Variants in SCRN3 observed in about 807,000 individuals in gnomAD.
SCRN3 encodes secernin-3.
A neutral mutation model predicts 43.1 loss-of-function variants in SCRN3; 39 were observed. That is an observed-to-expected ratio of 0.91 (90% CI 0.70 to 1.18). The LOEUF (loss-of-function observed/expected upper bound fraction) is 1.18, where lower values mean the gene tolerates loss of function less well. SCRN3 is among the 50% of genes most tolerant of loss of function. The probability of loss-of-function intolerance (pLI) is 0.00; values close to 1 mark genes in which losing one functional copy is unlikely to be tolerated. For missense variants in SCRN3, 484 were observed against 498.0 expected, an observed-to-expected ratio of 0.97 and a Z score of 0.27; for synonymous variants, 147 against 163.1, an observed-to-expected ratio of 0.90 and a Z score of 0.75.
intron 5 of SCRN3, among the ~76,000 whole-genome samples, chr2:174,410,878 A>G (rs1685893018): frequency 6.6e-6 from 1 of 152,216 alleles, no homozygotes; most frequent in Non-Finnish European, 1.5e-5. Context: ...ACCAGGTACC[A>G]AAAATGAAGA....
At chr2:174,430,061 G>A (rs1013677677), downstream of SCRN3, among the ~76,000 whole-genome samples, 15 of 152,132 alleles carry the variant, frequency 9.9e-5, no homozygotes, top group Admixed American at 1.3e-4. Context: ...TAAACCTGCC[G>A]TAGACATCCA....
At chr2:174,411,466 A>G (rs1685913665) in intron 5 of SCRN3, among the ~76,000 whole-genome samples, 1 of 152,150 alleles carries the variant, frequency 6.6e-6, no homozygotes, top group African/African-American at 2.4e-5. Flanking sequence ...TTTCTTCTGC[A>G]TGATTTAATC....
intron 1 of SCRN3, 141 bp from the exon 2 acceptor site, chr2:174,398,134 A>G (rs1016470487): frequency 3.2e-5 from 17 of 523,216 alleles, no homozygotes; most frequent in Non-Finnish European, 4.9e-5. Flanking sequence ...TCTCCAAAAA[A>G]TAAAAATAAA....
At position 174,429,492 on chromosome 2, in the gene SCRN3, C is replaced by T. The variant is rs1279463070; in HGVS notation, c.*1597C>T. The stretch of plus-strand genomic sequence containing the variant: ...TTATTTTTTGGAGCAGTTTTAGGTT[C>T]ACAGCAAAATTGAACAGAAAGTACA... On this transcript the variant is annotated 3_prime_UTR_variant, in exon 8 of 8. Coordinates refer to ENST00000272732, the MANE Select transcript of SCRN3 (RefSeq NM_024583.5). The T allele has an allele frequency of 6.6e-6, 1 of 152,100 alleles. No individual in the cohort carries two copies. Among genetic ancestry groups the T allele is most frequent in the Non-Finnish European group, 1.5e-5 (1 of 68,024 alleles). 9.4% of individuals were successfully genotyped at this position (152,100 alleles called of 1,614,324 possible). A position where few individuals can be genotyped will look rare whatever the true frequency, so the allele number is the denominator to read the frequency against.
chr2:174,413,586 C>CTG (rs1686003032), intron 5 of SCRN3, among the ~76,000 whole-genome samples: 1 of 90,226 alleles, frequency 1.1e-5, no homozygotes, highest in South Asian at 4.4e-4. Context: ...TTTGTCTTTC[C>CTG]TTTTTTTTTT....
intron 5 of SCRN3, among the ~76,000 whole-genome samples, chr2:174,411,156 C>G (rs34657811): frequency 0.19 from 29,628 of 152,104 alleles, 3,378 homozygotes; most frequent in Middle Eastern, 0.37. Flanking sequence ...ATTGAACTCT[C>G]AGCCACATTT....
intron 5 of SCRN3, among the ~76,000 whole-genome samples, chr2:174,414,158 CG>C (rs1346910859): frequency 6.6e-6 from 1 of 152,044 alleles, no homozygotes; most frequent in Non-Finnish European, 1.5e-5. Flanking sequence ...TAGTTATCTG[CG>C]GGAGGATTGG....
chr2:174,403,301 A>G (rs1318926344), intron 4 of SCRN3, among the ~76,000 whole-genome samples: 1 of 151,848 alleles, frequency 6.6e-6, no homozygotes. Context: ...ATAGTTTGTC[A>G]GTTAAAAAAA....
intron 5 of SCRN3, among the ~76,000 whole-genome samples, chr2:174,413,735 C>T (rs1686010489): frequency 1.3e-5 from 2 of 151,870 alleles, no homozygotes; most frequent in Admixed American, 6.6e-5. Context: ...GGACTACAGG[C>T]ACATGTCACC....
chr2:174,395,850 A>G lies in SCRN3; in HGVS notation c.-10+33A>G. ...GCGCGCACGGGGGAGGGGCGTGCAT[A>G]GTTGAGACAGAAACCCGGAAGACCC... On this transcript the variant is annotated intron_variant, in intron 1 of 7. Coordinates refer to ENST00000272732, the MANE Select transcript of SCRN3 (RefSeq NM_024583.5). The G allele has an allele frequency of 2.7e-6, 4 of 1,463,980 alleles. No individual in the cohort carries two copies. The Admixed American group carries it at 1.1e-4, about 40-fold the overall frequency. The allele number at this position is 1,463,980 out of a possible 1,614,324, so 90.7% of individuals were successfully genotyped here. A position where few individuals can be genotyped will look rare whatever the true frequency, so the allele number is the denominator to read the frequency against.
intron 4 of SCRN3, among the ~76,000 whole-genome samples, chr2:174,401,509 T>C (rs945333488): frequency 6.6e-6 from 1 of 152,172 alleles, no homozygotes; most frequent in African/African-American, 2.4e-5. Context: ...CTTTAAACTT[T>C]GGGCTGCACT....
chr2:174,416,952 GT>G (rs1460407296), intron 5 of SCRN3, among the ~76,000 whole-genome samples: 1 of 152,126 alleles, frequency 6.6e-6, no homozygotes, highest in African/African-American at 2.4e-5. Context: ...TTTCAAAGTA[GT>G]TAATATCTTA....
At chr2:174,397,413 G>A (rs1685363014) in intron 1 of SCRN3, 4 of 884,244 alleles carry the variant, frequency 4.5e-6, no homozygotes, top group Non-Finnish European at 5.4e-6. Context: ...AGGTAATCTA[G>A]ATATTAAAGT....
In SCRN3 at chr2:174,395,833, G is replaced by T; in HGVS notation, c.-10+16G>T. 1 of 1,504,850 alleles carries T rather than the reference G, an allele frequency of 6.6e-7. No individual in the cohort carries two copies. The highest frequency in any genetic ancestry group is 8.9e-7 in the Non-Finnish European group (1 of 1,125,380). 93.2% of individuals were successfully genotyped at this position (1,504,850 alleles called of 1,614,324 possible). On this transcript the variant is annotated intron_variant, in intron 1 of 7. Transcript: ENST00000272732. ...GGGAGGCCAGGTGAGGGGCGCGCAC[G>T]GGGGAGGGGCGTGCATAGTTGAGAC...
At chr2:174,424,325 A>G in intron 6 of SCRN3, 150 bp from the exon 7 acceptor site, 1 of 572,690 alleles carries the variant, frequency 1.7e-6, no homozygotes, top group African/African-American at 1.9e-5. Flanking sequence ...CAGGGAAGAC[A>G]GGCATGGGTA....
rs1686578194 is a variant in SCRN3, at chr2:174,429,010, T to C, written c.*1115T>C. The C allele has an allele frequency of 6.6e-6, 1 of 152,122 alleles. No homozygotes were observed. The highest frequency in any genetic ancestry group is 2.4e-5 in the African/African-American group (1 of 41,414). The allele number at this position is 152,122 out of a possible 1,614,324, so 9.4% of individuals were successfully genotyped here. Reference sequence around the variant, plus strand: ...GAAGTGGGTCATTATATTCAAAGAGTGCTCAGGAAGTTATGTGTTCAAAGT... The same window carrying C: ...GAAGTGGGTCATTATATTCAAAGAGCGCTCAGGAAGTTATGTGTTCAAAGT... On this transcript the variant is annotated 3_prime_UTR_variant, in exon 8 of 8. Coordinates refer to ENST00000272732, the MANE Select transcript of SCRN3 (RefSeq NM_024583.5).
chr2:174,425,012 C>T (rs915639064), intron 7 of SCRN3, among the ~76,000 whole-genome samples: 1 of 152,104 alleles, frequency 6.6e-6, no homozygotes, highest in African/African-American at 2.4e-5. Context: ...GTTTGAGTAA[C>T]TTGCTTAGTA....
At chr2:174,415,422 T>C (rs1487515206) in intron 5 of SCRN3, among the ~76,000 whole-genome samples, 1 of 152,200 alleles carries the variant, frequency 6.6e-6, no homozygotes, top group Non-Finnish European at 1.5e-5. Context: ...TGTAATTGCT[T>C]TGTGAGTTGT....
rs886792958 is a variant in SCRN3 at position 174,429,563 on chromosome 2, A to G, written c.*1668A>G. On this transcript the variant is annotated 3_prime_UTR_variant, in exon 8 of 8. Coordinates refer to ENST00000272732, the MANE Select transcript of SCRN3 (RefSeq NM_024583.5). ...TCAGCATACATGCATAGCCTCCCCC[A>G]CTATCAACATCCCAGCACCAGAATG... 2 of 152,096 alleles carry G rather than the reference A, an allele frequency of 1.3e-5. No homozygotes were observed. The highest frequency in any genetic ancestry group is 2.9e-5 in the Non-Finnish European group (2 of 68,036). The allele number at this position is 152,096 out of a possible 1,614,324, so 9.4% of individuals were successfully genotyped here.
Sources: allele counts gnomAD v4.1 joint callset (sites outside exome capture counted in the v4.1 genomes callset), GRCh38; gene constraint gnomAD v4.1.1; transcripts MANE v1.5; gene names NCBI Gene and HGNC (gene_info 2026-07-23, HGNC 2026-07-21).